The following CPLANE1 variants were observed in gnomAD, a reference collection of about 807,000 sequenced individuals.
CPLANE1 encodes ciliogenesis and planar polarity effector complex subunit 1.
CPLANE1 carries 263 observed loss-of-function variants against 362.5 expected under a neutral mutation model. That is an observed-to-expected ratio of 0.73 (90% CI 0.66 to 0.80). The LOEUF (loss-of-function observed/expected upper bound fraction) is 0.80. Ranked by LOEUF, CPLANE1 falls within the 30% of genes least tolerant of loss-of-function variation. The pLI is 0.00. For synonymous variants in CPLANE1, 1,212 were observed against 1,302.6 expected (o/e 0.93, Z 1.50); for missense variants, 3,461 against 3,793.4 (o/e 0.91, Z 2.30).
intron 28 of CPLANE1, 84 bp downstream of exon 28, chr5:37,179,933 G>A (rs1350122225): frequency 1.4e-5 from 12 of 854,792 alleles, no homozygotes; most frequent in South Asian, 7.8e-5. Context: ...TTAGGTATAA[G>A]ACTAAATAAG....
At chr5:37,083,106 CTG>C in the CPLANE1 span, among the ~76,000 whole-genome samples, 1 of 148,986 alleles carries the variant, frequency 6.7e-6, no homozygotes, top group African/African-American at 2.4e-5. Context: ...TCACAGGACT[CTG>C]TGCAGACAAC....
chr5:37,089,638 T>C, the CPLANE1 span, among the ~76,000 whole-genome samples: 5 of 152,212 alleles, frequency 3.3e-5, no homozygotes, highest in Non-Finnish European at 7.3e-5. Flanking sequence ...TTGCAACCTA[T>C]GGGACCACTT....
In CPLANE1 at chr5:37,120,397, T is replaced by G. The variant is rs569781103; in HGVS notation, c.9186-57A>C. 22 of 1,468,826 alleles carry G rather than the reference T, an allele frequency of 1.5e-5. No homozygotes were observed. In the Middle Eastern group the frequency reaches 1.5e-3, roughly 99 times the overall value. The allele number at this position is 1,468,826 out of a possible 1,614,324, so 91.0% of individuals were successfully genotyped here. On this transcript the variant is annotated intron_variant, in intron 49 of 52. Coordinates refer to ENST00000651892, the MANE Select transcript of CPLANE1 (RefSeq NM_001384732.1). ...CCAGAATCTCATATCAGCGATAAACTTTAACATTTCAAAAAGCCCAAATTA... is the reference window on the plus strand; with the variant it reads ...CCAGAATCTCATATCAGCGATAAACGTTAACATTTCAAAAAGCCCAAATTA...
chr5:37,191,031 T>C (rs1323349881), intron 21 of CPLANE1, among the ~76,000 whole-genome samples: 2 of 152,196 alleles, frequency 1.3e-5, no homozygotes, highest in Non-Finnish European at 2.9e-5. Context: ...GGAGTTATTC[T>C]AGAAGAAGGC....
chr5:37,163,354 G>A (rs1003818492), intron 37 of CPLANE1, among the ~76,000 whole-genome samples: 2 of 152,132 alleles, frequency 1.3e-5, no homozygotes, highest in Admixed American at 1.3e-4. Context: ...CAACACAAAT[G>A]GAGAAAGAGA....
At chr5:37,152,155 A>T (rs1462843402) in intron 42 of CPLANE1, among the ~76,000 whole-genome samples, 1 of 152,090 alleles carries the variant, frequency 6.6e-6, no homozygotes, top group Non-Finnish European at 1.5e-5. Context: ...TGCATTTCCC[A>T]ATATTAGACT....
the CPLANE1 span, chr5:37,085,360 A>G: frequency 1.0e-5 from 14 of 1,348,422 alleles, no homozygotes; most frequent in Admixed American, 1.7e-5. Flanking sequence ...CATCTGATCT[A>G]TGACACCAAG....
At position 37,120,274 on chromosome 5, in the gene CPLANE1, C is replaced by T. The variant is rs371595122; in HGVS notation, c.9252G>A (p.Pro3084=). ...RPGKVKYMSK[P]SYIHKRKSFG... ...AAGACTTCCTCTTATGGATATAACT[C>T]GGTTTGGACATATATTTGACTTTTC... The change falls in exon 50 of 53, where the codon CCG becomes CCA. Residue 3084 remains proline, a synonymous_variant. Transcript: ENST00000651892. The T allele has an allele frequency of 8.0e-5, 128 of 1,602,328 alleles. No individual in the cohort carries two copies. Among genetic ancestry groups the T allele is most frequent in the East Asian group, 5.0e-4 (22 of 44,302 alleles).
At chr5:37,076,006 G>A in the CPLANE1 span, among the ~76,000 whole-genome samples, 6 of 152,126 alleles carry the variant, frequency 3.9e-5, no homozygotes, top group African/African-American at 1.4e-4. Flanking sequence ...CACTTTGGGA[G>A]GCTGAGATGG....
At chr5:37,093,928 G>A in the CPLANE1 span, among the ~76,000 whole-genome samples, 3 of 150,604 alleles carry the variant, frequency 2.0e-5, no homozygotes, top group Admixed American at 6.6e-5. Context: ...ATGTAGAGTA[G>A]TTTATCTAAA....
chr5:37,180,940 ATC>A lies in CPLANE1; in HGVS notation c.5485_5486del (p.Asp1829CysfsTer14), dbSNP rs1156836079. ...TTGCTACTGCAACTGAACCGCCAGC[ATC>A]TGATTTGCTCTCCCTCTCAATATTG... ...GPNIERESKS[D>X]AGGSVAVATP... is the part of the protein sequence containing the mutation. On this transcript the variant is annotated frameshift_variant, in exon 27 of 53. Transcript: ENST00000651892. LOFTEE classifies it high-confidence loss of function. The A allele has an allele frequency of 6.2e-7, 1 of 1,614,084 alleles. No homozygotes were observed. The highest frequency in any genetic ancestry group is 1.3e-5 in the African/African-American group (1 of 75,070).
At chr5:37,236,334 C>A (rs1443506285) in intron 8 of CPLANE1, among the ~76,000 whole-genome samples, 1 of 152,024 alleles carries the variant, frequency 6.6e-6, no homozygotes, top group East Asian at 1.9e-4. Context: ...GGAAAGGACA[C>A]CCTATTCAAT....
intron 4 of CPLANE1, 150 bp from the exon 5 acceptor site, chr5:37,244,757 C>T: frequency 1.6e-6 from 1 of 613,620 alleles, no homozygotes. Context: ...AAAATACAAT[C>T]CAGGCACGGC....
At position 37,125,258 on chromosome 5, in the gene CPLANE1, G is replaced by A. The variant is rs1275477780; in HGVS notation, c.8944C>T (p.Pro2982Ser). 6.2e-7 allele frequency: 1 copy of A among 1,613,560 alleles called. No individual in the cohort carries two copies. The highest frequency in any genetic ancestry group is 2.2e-5 in the East Asian group (1 of 44,828). The change falls in exon 47 of 53, where the codon CCC (proline) becomes TCC (serine). Residue 2982 changes from proline (P) to serine (S), a missense_variant. Around this residue, in one of 2 missense-constraint regions of CPLANE1, gnomAD observed 3,380 missense variants for 3,666.1 expected, o/e 0.92. Transcript: ENST00000651892. ...KRGQEHDPFC[P>S]RSNPLYMTSR... ...GGCAGACTTACTGGATTGCTTCTGG[G>A]ACAGAAAGGATCATGTTCTTGCCCT...
At chr5:37,123,231 C>T (rs181924017) in intron 47 of CPLANE1, among the ~76,000 whole-genome samples, 6 of 152,296 alleles carry the variant, frequency 3.9e-5, no homozygotes, top group East Asian at 1.9e-4. Context: ...CAGACACATA[C>T]GTATTATTCC....
At chr5:37,100,542 T>G in the CPLANE1 span, among the ~76,000 whole-genome samples, 1 of 152,252 alleles carries the variant, frequency 6.6e-6, no homozygotes, top group South Asian at 2.1e-4. Context: ...TCAGGTAGCA[T>G]GATGCCTCAA....
intron 49 of CPLANE1, among the ~76,000 whole-genome samples, chr5:37,120,565 G>C (rs1015238566): frequency 1.3e-5 from 2 of 152,172 alleles, no homozygotes; most frequent in Non-Finnish European, 2.9e-5. Flanking sequence ...GGGTGACAGA[G>C]CAAGACCCTG....
chr5:37,180,889 A>T lies in CPLANE1; in HGVS notation c.5538T>A (p.Asn1846Lys). ...VATPGGTEER[N>K]GQNKSCQNIL... ...TATTTTGACAAGATTTATTCTGACC[A>T]TTTCTTTCCTCAGTTCCACCTGGAG... Residue 1846 changes from asparagine to lysine, a missense_variant, in exon 27 of 53, where the codon AAT becomes AAA. This residue lies in a region of CPLANE1 where 3,380 missense variants were observed against 3,666.1 expected (regional missense o/e 0.92). Coordinates refer to ENST00000651892, the MANE Select transcript of CPLANE1 (RefSeq NM_001384732.1). The T allele has an allele frequency of 6.2e-7, 1 of 1,614,004 alleles. No homozygotes were observed. The highest frequency in any genetic ancestry group is 8.5e-7 in the Non-Finnish European group (1 of 1,179,946).
the CPLANE1 span, among the ~76,000 whole-genome samples, chr5:37,083,399 C>T: frequency 6.6e-6 from 1 of 152,122 alleles, no homozygotes; most frequent in Non-Finnish European, 1.5e-5. Flanking sequence ...ATCACACTAG[C>T]TCACCAGCAA....
Sources: allele counts gnomAD v4.1 joint callset (sites outside exome capture counted in the v4.1 genomes callset), GRCh38; gene constraint gnomAD v4.1.1; regional missense constraint gnomAD v4.1.1; transcripts MANE v1.5; gene names NCBI Gene and HGNC (gene_info 2026-07-23, HGNC 2026-07-21).